Variants in LNPK observed in about 807,000 individuals in gnomAD.
LNPK encodes lunapark, ER junction formation factor, also known as endoplasmic reticulum junction formation protein lunapark.
LNPK carries 29 observed loss-of-function variants against 55.2 expected under a neutral mutation model. The observed-to-expected ratio is 0.53, with a 90% CI of 0.39 to 0.72. The LOEUF (loss-of-function observed/expected upper bound fraction) is 0.72, where lower values mean the gene tolerates loss of function less well. LNPK is among the 30% of genes least tolerant of loss of function. The pLI is 0.00. For missense variants in LNPK, 467 were observed against 494.8 expected, an observed-to-expected ratio of 0.94 and a Z score of 0.53; for synonymous variants, 162 against 168.2, an observed-to-expected ratio of 0.96 and a Z score of 0.29.
At chr2:175,966,990 C>T (rs918195510) in intron 6 of LNPK, among the ~76,000 whole-genome samples, 3 of 152,106 alleles carry the variant, frequency 2.0e-5, no homozygotes, top group Non-Finnish European at 4.4e-5. Flanking sequence ...AAACTATTTC[C>T]AAAAACTCAA....
At chr2:175,932,212 G>C (rs1684311338) in intron 12 of LNPK, 1 of 454,040 alleles carries the variant, frequency 2.2e-6, no homozygotes, top group South Asian at 1.6e-5. Context: ...TTAAAGTTTT[G>C]TGATGTTACT....
chr2:175,941,284 T>C lies in LNPK; in HGVS notation c.707-1627A>G, dbSNP rs184856923. On this transcript the variant is annotated intron_variant, in intron 9 of 12. Transcript: ENST00000272748. Reference sequence around the variant, plus strand: ...GCAGCCTAATATATTTATATTTATATTTATATTTATATTTATATTTATATA... The same window carrying C: ...GCAGCCTAATATATTTATATTTATACTTATATTTATATTTATATTTATATA... 9.0e-3 allele frequency among the ~76,000 whole-genome samples: 1,327 copies of C among 147,590 alleles called. 19 individuals carry two copies. The highest frequency in any genetic ancestry group is 0.031 in the African/African-American group (1,259 of 40,660).
intron 11 of LNPK, 93 bp from the exon 12 acceptor site, chr2:175,937,607 T>G: frequency 1.2e-6 from 1 of 853,934 alleles, no homozygotes; most frequent in Non-Finnish European, 1.8e-6. Context: ...TTGCAGATAT[T>G]CAAAAGAACC....
At chr2:175,988,512 C>CAAAAAAA (rs575414400) in intron 4 of LNPK, among the ~76,000 whole-genome samples, 1 of 58,724 alleles carries the variant, frequency 1.7e-5, no homozygotes, top group African/African-American at 6.8e-5. Context: ...ACTCTGTCTC[C>CAAAAAAA]AAAAAAAAAA....
At position 175,968,889 on chromosome 2, in the gene LNPK, A is replaced by G. The variant is rs1385665850; in HGVS notation, c.357+1875T>C. 5.3e-5 allele frequency among the ~76,000 whole-genome samples: 8 copies of G among 152,072 alleles called. No individual in the cohort carries two copies. The East Asian group carries it at 5.8e-4, about 11-fold the overall frequency. ...CAAAATTAGCCAGGTGTGGTGGTGCATGCCTGTAATACCAGCTACTTGGGA... is the reference window on the plus strand; with the variant it reads ...CAAAATTAGCCAGGTGTGGTGGTGCGTGCCTGTAATACCAGCTACTTGGGA... On this transcript the variant is annotated intron_variant, in intron 6 of 12. Coordinates refer to ENST00000272748, the MANE Select transcript of LNPK (RefSeq NM_030650.3).
Position 175,929,375 on chromosome 2 carries a change from TAC to T in LNPK, c.*590_*591del. On this transcript the variant is annotated 3_prime_UTR_variant, in exon 13 of 13. Transcript: ENST00000272748. ...TCATTGCATTCTCACTGAGAATTCG[TAC>T]CAGTGCCAACGTAGTTACAGTTCTA... is the stretch of plus-strand genomic sequence containing the variant. 2.2e-5 allele frequency: 22 copies of T among 985,558 alleles called. No individual in the cohort carries two copies. The highest frequency in any genetic ancestry group is 2.7e-5 in the Non-Finnish European group (22 of 829,638). The allele number at this position is 985,558 out of a possible 1,614,324, so 61.1% of individuals were successfully genotyped here. A position where few individuals can be genotyped will look rare whatever the true frequency, so the allele number is the denominator to read the frequency against.
chr2:175,936,902 A>C (rs1335729860), intron 12 of LNPK, among the ~76,000 whole-genome samples: 1 of 152,178 alleles, frequency 6.6e-6, no homozygotes, highest in African/African-American at 2.4e-5. Flanking sequence ...ATAATTCCAA[A>C]GTTTCCTGCT....
intron 8 of LNPK, among the ~76,000 whole-genome samples, chr2:175,963,401 T>C (rs1185504460): frequency 6.6e-6 from 1 of 152,144 alleles, no homozygotes; most frequent in African/African-American, 2.4e-5. Context: ...TCATGTCCTT[T>C]GTAGGGACAT....
rs375444140 is a variant in LNPK at position 175,941,538 on chromosome 2, A to T, written c.707-1881T>A. Among the ~76,000 whole-genome samples the T allele has an allele frequency of 5.3e-5, 8 of 151,930 alleles. No individual in the cohort carries two copies. The South Asian group carries it at 1.7e-3, about 31-fold the overall frequency. The stretch of plus-strand genomic sequence containing the variant: ...CCGGGTGCAGTGGCTCATGCCTGTA[A>T]TCCCAGCACTTTAGGAGGCCGAGGT... On this transcript the variant is annotated intron_variant, in intron 9 of 12. Transcript: ENST00000272748.
chr2:175,993,885 C>A (rs911424724), intron 2 of LNPK, among the ~76,000 whole-genome samples: 1 of 152,030 alleles, frequency 6.6e-6, no homozygotes, highest in Non-Finnish European at 1.5e-5. Flanking sequence ...AGAATTAACA[C>A]ATTGAAAAAA....
intron 8 of LNPK, among the ~76,000 whole-genome samples, chr2:175,959,334 A>T (rs939523865): frequency 6.6e-6 from 1 of 152,224 alleles, no homozygotes; most frequent in Non-Finnish European, 1.5e-5. Flanking sequence ...CGAGTTACCC[A>T]CAAAGGGAAG....
chr2:175,983,511 CA>C (rs199795442), intron 4 of LNPK, among the ~76,000 whole-genome samples: 2,427 of 151,380 alleles, frequency 0.016, 60 homozygotes, highest in African/African-American at 0.056. Flanking sequence ...AAACCAAAAG[CA>C]AAAAAAATTG....
chr2:175,998,305 G>A (rs1043589300), intron 1 of LNPK, among the ~76,000 whole-genome samples: 4 of 151,972 alleles, frequency 2.6e-5, no homozygotes, highest in African/African-American at 9.7e-5. Flanking sequence ...TTAGCCAGGC[G>A]TGGTGGCAGG....
intron 6 of LNPK, among the ~76,000 whole-genome samples, chr2:175,965,909 C>T (rs1399810690): frequency 1.1e-4 from 16 of 152,098 alleles, no homozygotes; most frequent in Admixed American, 1.0e-3. Flanking sequence ...GATCTCTACA[C>T]ATTAGACTTT....
chr2:175,979,586 T>G (rs926265138), intron 5 of LNPK, among the ~76,000 whole-genome samples: 1 of 150,774 alleles, frequency 6.6e-6, no homozygotes, highest in Non-Finnish European at 1.5e-5. Flanking sequence ...AAAAAAAAAG[T>G]TTGTTTTGTG....
At chr2:175,979,044 A>T (rs1222775707) in intron 5 of LNPK, among the ~76,000 whole-genome samples, 1 of 152,156 alleles carries the variant, frequency 6.6e-6, no homozygotes, top group Non-Finnish European at 1.5e-5. Context: ...AGCAAATGAT[A>T]CTTATGAGAT....
rs1455777664 is a variant in LNPK, at chr2:175,998,601, A to G, written c.-62-2955T>C. On this transcript the variant is annotated intron_variant, in intron 1 of 12. Coordinates refer to ENST00000272748, the MANE Select transcript of LNPK (RefSeq NM_030650.3). ...GTATAGATTAGATTTGAATATTTAT[A>G]TGTAAAATATATGAAACCACCTCTG... Among the ~76,000 whole-genome samples the G allele has an allele frequency of 4.6e-5, 7 of 152,216 alleles. No homozygotes were observed. In the East Asian group the frequency reaches 1.3e-3, roughly 29 times the overall value.
Position 175,929,572 on chromosome 2 carries a change from A to C in LNPK, c.*395T>G. 1 of 996,902 alleles carries C rather than the reference A, an allele frequency of 1.0e-6. No homozygotes were observed. The highest frequency in any genetic ancestry group is 1.2e-6 in the Non-Finnish European group (1 of 837,090). The allele number at this position is 996,902 out of a possible 1,614,324, so 61.8% of individuals were successfully genotyped here. On this transcript the variant is annotated 3_prime_UTR_variant, in exon 13 of 13. Coordinates refer to ENST00000272748, the MANE Select transcript of LNPK (RefSeq NM_030650.3). ...TAATGAAGTAGTCAAAATCTTAACC[A>C]AGTTTCATTCCTTAAAACAAACACA...
intron 8 of LNPK, among the ~76,000 whole-genome samples, chr2:175,951,131 G>A (rs1485334039): frequency 9.9e-5 from 15 of 151,956 alleles, no homozygotes; most frequent in Admixed American, 9.2e-4. Context: ...CTGCTAGAAG[G>A]TTTTGTCTTT....
Sources: gnomAD v4.1 joint callset for allele counts (sites outside exome capture counted in the v4.1 genomes callset) on GRCh38, gnomAD v4.1.1 for gene constraint, MANE v1.5 for transcripts, NCBI Gene and HGNC (gene_info 2026-07-23, HGNC 2026-07-21) for gene names.